KRT84: variants seen among roughly 807,000 people sequenced by gnomAD.
KRT84 encodes the protein keratin 84.
A neutral mutation model predicts 49.0 loss-of-function variants in KRT84; 38 were observed. The ratio of observed to expected loss-of-function variants is 0.78; its 90% CI spans 0.60 to 1.02. The LOEUF is 1.02. Among genes scored for constraint, KRT84 ranks in the 50% least tolerant of loss-of-function variants. The probability of loss-of-function intolerance (pLI) is 0.00; values close to 1 mark genes in which losing one functional copy is unlikely to be tolerated. For synonymous variants in KRT84, 334 were observed against 312.8 expected, an observed-to-expected ratio of 1.07 and a Z score of -0.72; for missense variants, 860 against 788.6, an observed-to-expected ratio of 1.09 and a Z score of -1.08.
rs554207394 is a variant in KRT84, at chr12:52,381,580, G to C, written c.913-55C>G. Reference sequence around the variant, plus strand: ...GCTTAGAGTCTCATTTAGTAGCTGGGACTCTGCCACAGGGGGCCCAGGAAG... The same window carrying C: ...GCTTAGAGTCTCATTTAGTAGCTGGCACTCTGCCACAGGGGGCCCAGGAAG... On this transcript the variant is annotated intron_variant, in intron 4 of 8. Transcript: ENST00000257951. 5.1e-6 allele frequency: 8 copies of C among 1,572,466 alleles called. No homozygotes were observed. The East Asian group carries it at 1.1e-4, about 22-fold the overall frequency.
chr12:52,378,186 T>C lies in KRT84; in HGVS notation c.1651A>G (p.Thr551Ala). ...CTGATGAGCATGGAGCCACTCCTTG[T>C]GCCAGTGCTCAGCAGGTCCCCAGTG... ...PATGDLLSTGTRSGSMLISEA... is the reference protein window; with the variant it reads ...PATGDLLSTGARSGSMLISEA... The change falls in exon 9 of 9, where the codon ACA (threonine) becomes GCA (alanine). Residue 551 changes from threonine to alanine, a missense_variant. By Grantham distance (58) the Thr-to-Ala change is moderately conservative. Transcript: ENST00000257951. 6.3e-7 allele frequency: 1 copy of C among 1,578,618 alleles called. No individual in the cohort carries two copies. Among genetic ancestry groups the C allele is most frequent in the Non-Finnish European group, 8.6e-7 (1 of 1,163,434 alleles).
chr12:52,383,115 G>T, intron 2 of KRT84, 50 bp from the exon 3 acceptor site: 1 of 1,478,742 alleles, frequency 6.8e-7, no homozygotes, highest in Non-Finnish European at 9.5e-7. Flanking sequence ...CTGAGAGGCA[G>T]TTACTCCCAA....
intron 6 of KRT84, 130 bp from the exon 7 acceptor site, chr12:52,380,713 C>T (rs1939467851): frequency 1.1e-6 from 1 of 948,984 alleles, no homozygotes; most frequent in African/African-American, 1.7e-5. Flanking sequence ...ATGGTGGCTG[C>T]TTTCCCAGGC....
chr12:52,384,601 G>A (rs935906266), intron 1 of KRT84, among the ~76,000 whole-genome samples: 2 of 152,092 alleles, frequency 1.3e-5, no homozygotes, highest in Non-Finnish European at 2.9e-5. Flanking sequence ...AATAGATGAG[G>A]CCACTCAGCC....
intron 7 of KRT84, 45 bp from the exon 8 acceptor site, chr12:52,379,952 C>T: frequency 1.3e-6 from 2 of 1,562,514 alleles, no homozygotes; most frequent in Non-Finnish European, 1.8e-6. Context: ...ACTATTGTTT[C>T]CTGAAAACCT....
At chr12:52,384,945 C>T (rs1320438057) in intron 1 of KRT84, 95 bp downstream of exon 1, 8 of 1,309,292 alleles carry the variant, frequency 6.1e-6, no homozygotes, top group Non-Finnish European at 7.4e-6. Context: ...AGGTCAAGTC[C>T]CCAGAACCGG....
intron 4 of KRT84, 52 bp from the exon 5 acceptor site, chr12:52,381,577 T>A: frequency 6.3e-7 from 1 of 1,577,968 alleles, no homozygotes; most frequent in Non-Finnish European, 8.6e-7. Context: ...ATTTAGTAGC[T>A]GGGACTCTGC....
intron 3 of KRT84, 28 bp downstream of exon 3, chr12:52,382,977 G>A (rs1939510144): frequency 7.5e-6 from 12 of 1,607,272 alleles, no homozygotes; most frequent in Non-Finnish European, 1.0e-5. Context: ...CAGAGGAGAA[G>A]TTGGCCTGGT....
intron 4 of KRT84, among the ~76,000 whole-genome samples, chr12:52,382,144 G>A (rs1171244756): frequency 6.6e-6 from 1 of 152,172 alleles, no homozygotes; most frequent in Non-Finnish European, 1.5e-5. Context: ...CAATTTTTCA[G>A]TCTTCTTGTC....
In KRT84 at chr12:52,383,778, C is replaced by T. The variant is rs1939528172; in HGVS notation, c.567G>A (p.Gln189=). ...FIDKVRFLEQ[Q]NKLLETKWSF... ...TCCACTTGGTCTCTAGGAGCTTATT[C>T]TGCTGCTCTAGGAACCGAACCTAAA... The change falls in exon 2 of 9, where the codon CAG becomes CAA. Residue 189 remains glutamine, a synonymous_variant. Transcript: ENST00000257951. The T allele has an allele frequency of 6.2e-7, 1 of 1,613,386 alleles. No homozygotes were observed. Among genetic ancestry groups the T allele is most frequent in the African/African-American group, 1.3e-5 (1 of 74,740 alleles).
Position 52,384,817 on chromosome 12 carries a change from A to G in KRT84, c.546+223T>C, listed in dbSNP as rs534160210. Among the ~76,000 whole-genome samples the G allele has an allele frequency of 1.5e-4, 23 of 152,198 alleles. No individual in the cohort carries two copies. In the South Asian group the frequency reaches 4.8e-3, roughly 32 times the overall value. ...CCTCTGTCCTCCAGAAGATATCAAC[A>G]CTGTCGGAATCTATCCCACCATGCA... is the stretch of plus-strand genomic sequence containing the variant. On this transcript the variant is annotated intron_variant, in intron 1 of 8. Transcript: ENST00000257951.
chr12:52,378,279 C>CCCCACTGGTG lies in KRT84; in HGVS notation c.1557_1558insCACCAGTGGG (p.Val520HisfsTer115). The stretch of plus-strand genomic sequence containing the variant: ...GCCAGGACCCCACTGGTGGCACAGA[C>CCCCACTGGTG]GCTGCTGCTACCTGAGAAGGTGACC... On this transcript the variant is annotated frameshift_variant, in exon 9 of 9. Coordinates refer to ENST00000257951, the MANE Select transcript of KRT84 (RefSeq NM_033045.4). LOFTEE classifies it low-confidence loss of function (END_TRUNC). 1 of 1,548,820 alleles carries CCCCACTGGTG rather than the reference C, an allele frequency of 6.5e-7. No homozygotes were observed. Among genetic ancestry groups the CCCCACTGGTG allele is most frequent in the Non-Finnish European group, 8.7e-7 (1 of 1,148,610 alleles).
chr12:52,380,091 A>G (rs926571706), intron 7 of KRT84, among the ~76,000 whole-genome samples, 184 bp from the exon 8 acceptor site: 5 of 152,196 alleles, frequency 3.3e-5, no homozygotes, highest in Non-Finnish European at 7.3e-5. Context: ...CCATTAGATT[A>G]AAATATTTAA....
chr12:52,380,308 T>G (rs1302548628), intron 7 of KRT84, 55 bp downstream of exon 7: 1 of 1,591,416 alleles, frequency 6.3e-7, no homozygotes, highest in Non-Finnish European at 8.6e-7. Flanking sequence ...TCTTCCTTAG[T>G]CTTTCTAGAT....
intron 3 of KRT84, 96 bp from the exon 4 acceptor site, chr12:52,382,628 C>T (rs976344020): frequency 1.0e-6 from 1 of 966,774 alleles, no homozygotes; most frequent in Admixed American, 1.9e-5. Flanking sequence ...CAGCCACTTC[C>T]CACAGATGGT....
At chr12:52,382,921 G>T in intron 3 of KRT84, 84 bp downstream of exon 3, 2 of 1,124,128 alleles carry the variant, frequency 1.8e-6, no homozygotes, top group Non-Finnish European at 2.7e-6. Flanking sequence ...ACTCCACAGG[G>T]CTGCCTGAGC....
In KRT84 at chr12:52,381,136, C is replaced by G. The variant is rs531432007; in HGVS notation, c.1147G>C (p.Glu383Gln). ...AGCCTCTGGATCAGGCGGGTCAGTT[C>G]GTTGATCTCGTTCCGTATGTTGCGC... ...NLRNIRNEIN[E>Q]LTRLIQRLKA... is the part of the protein sequence containing the mutation. The change falls in exon 6 of 9, where the codon GAA (glutamate) becomes CAA (glutamine). Residue 383 changes from glutamate (E) to glutamine (Q), a missense_variant. Transcript: ENST00000257951. 1 of 1,614,090 alleles carries G rather than the reference C, an allele frequency of 6.2e-7. No individual in the cohort carries two copies. Among genetic ancestry groups the G allele is most frequent in the African/African-American group, 1.3e-5 (1 of 75,014 alleles).
intron 6 of KRT84, 68 bp downstream of exon 6, chr12:52,381,012 G>A (rs977929171): frequency 1.9e-6 from 3 of 1,580,428 alleles, no homozygotes; most frequent in South Asian, 2.3e-5. Context: ...CATTAGACTT[G>A]GGGGTTCCCA....
intron 7 of KRT84, 116 bp from the exon 8 acceptor site, chr12:52,380,023 T>TGTGTGTATAACCAGG: frequency 1.1e-6 from 1 of 884,404 alleles, no homozygotes; most frequent in Non-Finnish European, 1.8e-6. Context: ...TTCTCACCCC[T>TGTGTGTATAACCAGG]GGTTATACAC....
Sources: gnomAD v4.1 joint callset for allele counts (sites outside exome capture counted in the v4.1 genomes callset) on GRCh38, gnomAD v4.1.1 for gene constraint, MANE v1.5 for transcripts, NCBI Gene and HGNC (gene_info 2026-07-23, HGNC 2026-07-21) for gene names.